The following HCN1 variants were observed in gnomAD, a reference collection of about 807,000 sequenced individuals.
HCN1 encodes potassium/sodium hyperpolarization-activated cyclic nucleotide-gated channel 1.
In HCN1, 13 loss-of-function variants were observed where a neutral mutation model predicts 78.9. That is an observed-to-expected ratio of 0.16 (90% CI 0.11 to 0.26). The LOEUF is 0.26. Among genes scored for constraint, HCN1 ranks in the 10% least tolerant of loss-of-function variants. The pLI, the probability that HCN1 is intolerant of heterozygous loss-of-function variation, is 1.00. For missense variants in HCN1, 810 were observed against 1,154.3 expected, an observed-to-expected ratio of 0.70 and a Z score of 4.32; for synonymous variants, 552 against 455.5, an observed-to-expected ratio of 1.21 and a Z score of -2.70.
chr5:45,531,835 C>T (rs184465744), intron 2 of HCN1, among the ~76,000 whole-genome samples: 1 of 152,192 alleles, frequency 6.6e-6, no homozygotes, highest in African/African-American at 2.4e-5. Context: ...AGCACAGGAA[C>T]TCGAGGCTAG....
At chr5:45,434,351 C>A (rs1211252670) in intron 3 of HCN1, among the ~76,000 whole-genome samples, 1 of 152,144 alleles carries the variant, frequency 6.6e-6, no homozygotes, top group Non-Finnish European at 1.5e-5. Flanking sequence ...CTGTTTCAAT[C>A]CAAAAGGTTT....
intron 4 of HCN1, among the ~76,000 whole-genome samples, chr5:45,372,002 A>ACT: frequency 1.3e-5 from 1 of 75,896 alleles, no homozygotes; most frequent in Middle Eastern, 0.011. Flanking sequence ...TAATATATAT[A>ACT]GTATATATCA....
At chr5:45,316,307 A>G (rs2111926850) in intron 5 of HCN1, among the ~76,000 whole-genome samples, 1 of 152,320 alleles carries the variant, frequency 6.6e-6, no homozygotes. Flanking sequence ...AACCAAAGGC[A>G]AAAATCACAT....
At chr5:45,525,761 TC>T (rs1315377213) in intron 2 of HCN1, among the ~76,000 whole-genome samples, 3 of 152,024 alleles carry the variant, frequency 2.0e-5, no homozygotes, top group Non-Finnish European at 4.4e-5. Context: ...GCTACACTGC[TC>T]TGCCTCAGTG....
intron 2 of HCN1, among the ~76,000 whole-genome samples, chr5:45,530,894 C>T (rs902123834): frequency 1.3e-5 from 2 of 151,998 alleles, no homozygotes; most frequent in African/African-American, 4.8e-5. Flanking sequence ...ACAGGAGTTA[C>T]CCAGACATCC....
chr5:45,486,557 T>C (rs1741767607), intron 2 of HCN1, among the ~76,000 whole-genome samples: 1 of 152,118 alleles, frequency 6.6e-6, no homozygotes, highest in East Asian at 1.9e-4. Flanking sequence ...TACATCTTCA[T>C]CCTTCATGTG....
At chr5:45,649,462 T>C (rs926122651) in intron 1 of HCN1, among the ~76,000 whole-genome samples, 3 of 152,180 alleles carry the variant, frequency 2.0e-5, no homozygotes, top group African/African-American at 7.2e-5. Context: ...GGATTCACTG[T>C]TGGTGTACAT....
At chr5:45,361,623 T>A (rs1747111395) in intron 4 of HCN1, among the ~76,000 whole-genome samples, 1 of 152,200 alleles carries the variant, frequency 6.6e-6, no homozygotes, top group Admixed American at 6.5e-5. Flanking sequence ...TCCAGAATAA[T>A]CTCTTCCAAT....
intron 2 of HCN1, among the ~76,000 whole-genome samples, chr5:45,528,151 C>A (rs1561189750): frequency 6.6e-6 from 1 of 151,766 alleles, no homozygotes; most frequent in African/African-American, 2.4e-5. Context: ...AAAAGATGAA[C>A]TTTTTAAGCA....
chr5:45,513,936 C>T (rs1481705240), intron 2 of HCN1, among the ~76,000 whole-genome samples: 1 of 151,984 alleles, frequency 6.6e-6, no homozygotes, highest in African/African-American at 2.4e-5. Flanking sequence ...CATAAACTGT[C>T]CAAATGTAAG....
intron 2 of HCN1, among the ~76,000 whole-genome samples, chr5:45,494,586 C>T (rs930970633): frequency 2.6e-5 from 4 of 151,890 alleles, no homozygotes; most frequent in East Asian, 1.9e-4. Context: ...TTTTGCTGTG[C>T]AGAAGCTCTT....
chr5:45,486,451 A>C (rs1209316031), intron 2 of HCN1, among the ~76,000 whole-genome samples: 1 of 152,130 alleles, frequency 6.6e-6, no homozygotes, highest in Non-Finnish European at 1.5e-5. Context: ...CTATTCTCCT[A>C]CTAAACATAT....
At chr5:45,314,255 C>T (rs1199114543) in intron 5 of HCN1, among the ~76,000 whole-genome samples, 1 of 152,046 alleles carries the variant, frequency 6.6e-6, no homozygotes, top group Non-Finnish European at 1.5e-5. Context: ...TCATATCCAG[C>T]CAAACTAAGC....
rs370278927 is a variant in HCN1 at position 45,483,066 on chromosome 5, A to G, written c.850-21059T>C. On this transcript the variant is annotated intron_variant, in intron 2 of 7. Coordinates refer to ENST00000303230, the MANE Select transcript of HCN1 (RefSeq NM_021072.4). ...GCTATTGTAAATAGCACAGCAATGA[A>G]CATACGAGTGCATCTGTCTTTTTGG... Among the ~76,000 whole-genome samples, 25 of 152,300 alleles carry G rather than the reference A, an allele frequency of 1.6e-4. 2 individuals carry two copies. Among genetic ancestry groups the G allele is most frequent in the African/African-American group, 5.8e-4 (24 of 41,554 alleles).
At chr5:45,406,673 A>G (rs1183501631) in intron 3 of HCN1, among the ~76,000 whole-genome samples, 2 of 152,148 alleles carry the variant, frequency 1.3e-5, no homozygotes, top group African/African-American at 4.8e-5. Flanking sequence ...ATTCATGATA[A>G]TTATACATAG....
intron 1 of HCN1, among the ~76,000 whole-genome samples, chr5:45,664,082 G>T (rs1391058504): frequency 8.5e-6 from 1 of 117,786 alleles, no homozygotes; most frequent in Non-Finnish European, 1.7e-5. Context: ...TGATAGACTG[G>T]ATTAAGAAAA....
At chr5:45,276,881 A>G (rs942797197) in intron 6 of HCN1, among the ~76,000 whole-genome samples, 2 of 152,124 alleles carry the variant, frequency 1.3e-5, no homozygotes, top group Non-Finnish European at 2.9e-5. Context: ...AGAGGACAAG[A>G]GAAAAGGAAC....
At chr5:45,659,181 C>T (rs1203500406) in intron 1 of HCN1, among the ~76,000 whole-genome samples, 3 of 149,240 alleles carry the variant, frequency 2.0e-5, no homozygotes, top group African/African-American at 4.9e-5. Context: ...GAGGCACCCC[C>T]CAGCAGGGGC....
At chr5:45,387,136 G>C (rs1747938780) in intron 4 of HCN1, among the ~76,000 whole-genome samples, 1 of 151,792 alleles carries the variant, frequency 6.6e-6, no homozygotes, top group Non-Finnish European at 1.5e-5. Flanking sequence ...GTCCCAAAGT[G>C]GTTTATAGTT....
Sources: allele counts gnomAD v4.1 joint callset (sites outside exome capture counted in the v4.1 genomes callset), GRCh38; gene constraint gnomAD v4.1.1; transcripts MANE v1.5; gene names NCBI Gene and HGNC (gene_info 2026-07-23, HGNC 2026-07-21).